CHST6: variants seen among roughly 807,000 people sequenced by gnomAD.
The protein encoded by CHST6 is N-acetylglucosamine 6-O-sulfotransferase 5.
For missense variants in CHST6, 698 were observed against 586.2 expected, an observed-to-expected ratio of 1.19 and a Z score of -1.97; for synonymous variants, 309 against 276.4, an observed-to-expected ratio of 1.12 and a Z score of -1.17.
chr16:75,488,116 T>A (rs1486226194), intron 1 of CHST6, among the ~76,000 whole-genome samples: 1 of 152,138 alleles, frequency 6.6e-6, no homozygotes, highest in African/African-American at 2.4e-5. Flanking sequence ...TAGGTATAGA[T>A]CCCAGGTTTA....
intron 1 of CHST6, among the ~76,000 whole-genome samples, chr16:75,492,984 G>T (rs1236268976): frequency 6.6e-6 from 1 of 152,018 alleles, no homozygotes; most frequent in Non-Finnish European, 1.5e-5. Flanking sequence ...TTTCAATATT[G>T]ACTAATAGGT....
In CHST6 at chr16:75,479,584, T is replaced by G. The variant is rs1208968084; in HGVS notation, c.245A>C (p.Gln82Pro). ...CATGTGCAGCGTTGCGGCGCTGCCC[T>G]GCGACAGGGTGGTCCACACGTGCCA... ...PAWHVWTTLS[Q>P]GSAATLHMAV... is the part of the protein sequence containing the mutation. The change falls in exon 3 of 3, where the codon CAG becomes CCG. Residue 82 changes from glutamine to proline, a missense_variant. Gln to Pro is a moderately conservative substitution (Grantham distance 76). Transcript: ENST00000332272. 5 of 1,612,970 alleles carry G rather than the reference T, an allele frequency of 3.1e-6. No individual in the cohort carries two copies. In the Admixed American group the frequency reaches 8.3e-5, roughly 27 times the overall value.
chr16:75,481,352 G>A (rs1232559521), intron 2 of CHST6, among the ~76,000 whole-genome samples: 1 of 152,030 alleles, frequency 6.6e-6, no homozygotes, highest in Non-Finnish European at 1.5e-5. Context: ...TAGCAATTTG[G>A]GAGGTTGAGG....
Position 75,479,236 on chromosome 16 carries a change from A to C in CHST6, c.593T>G (p.Val198Gly). ...GGCCCGCGGGTCGCGCACCAGGTGC[A>C]CGATGCGTAGGTTGAGCGCGGGGTC... ...LSDPALNLRI[V>G]HLVRDPRAVL... The change falls in exon 3 of 3, where the codon GTG becomes GGG. Residue 198 changes from valine (V) to glycine (G), a missense_variant. By Grantham distance (109) the Val-to-Gly change is moderately radical. Transcript: ENST00000332272. 6.2e-7 allele frequency: 1 copy of C among 1,611,656 alleles called. No homozygotes were observed. Among genetic ancestry groups the C allele is most frequent in the Non-Finnish European group, 8.5e-7 (1 of 1,179,684 alleles).
Position 75,473,763 on chromosome 16 carries a change from AT to A in CHST6, c.*4877del, listed in dbSNP as rs1455979779. ...TAAAACTGTTGTCCTTGGTCATCCTATCTCTACAAATTTATTGTATTTTTTA... is the reference window on the plus strand; with the variant it reads ...TAAAACTGTTGTCCTTGGTCATCCTACTCTACAAATTTATTGTATTTTTTA... On this transcript the variant is annotated 3_prime_UTR_variant, in exon 3 of 3. Coordinates refer to ENST00000332272, the MANE Select transcript of CHST6 (RefSeq NM_021615.5). The A allele has an allele frequency of 6.6e-6, 1 of 152,116 alleles. No homozygotes were observed. Among genetic ancestry groups the A allele is most frequent in the African/African-American group, 2.4e-5 (1 of 41,412 alleles). The allele number at this position is 152,116 out of a possible 1,614,324, so 9.4% of individuals were successfully genotyped here.
At chr16:75,494,459 T>C (rs1330980110) in intron 1 of CHST6, among the ~76,000 whole-genome samples, 1 of 151,844 alleles carries the variant, frequency 6.6e-6, no homozygotes, top group Admixed American at 6.6e-5. Flanking sequence ...CTTGCCTCTG[T>C]GAAAAAGGGA....
intron 1 of CHST6, among the ~76,000 whole-genome samples, chr16:75,492,551 T>C (rs1025720382): frequency 1.3e-5 from 2 of 152,172 alleles, no homozygotes; most frequent in Admixed American, 6.5e-5. Context: ...GACTATTTTA[T>C]AGGAAAATAA....
At chr16:75,490,854 T>C (rs2080245321) in intron 1 of CHST6, 1 of 152,148 alleles carries the variant, frequency 6.6e-6, no homozygotes, top group Non-Finnish European at 1.5e-5. Flanking sequence ...GAGACATCCC[T>C]AATGTCTATC....
At chr16:75,487,386 C>T (rs930076795) in intron 1 of CHST6, among the ~76,000 whole-genome samples, 33 of 152,112 alleles carry the variant, frequency 2.2e-4, no homozygotes, top group African/African-American at 7.5e-4. Context: ...AGCTCCAGGC[C>T]GGGAGTGGTG....
In CHST6 at chr16:75,482,566, C is replaced by T. The variant is rs552469502; in HGVS notation, c.-91-675G>A. Among the ~76,000 whole-genome samples the T allele has an allele frequency of 3.5e-4, 54 of 152,240 alleles. No homozygotes were observed. In the South Asian group the frequency reaches 0.011, roughly 31 times the overall value. On this transcript the variant is annotated intron_variant, in intron 1 of 2. Coordinates refer to ENST00000332272, the MANE Select transcript of CHST6 (RefSeq NM_021615.5). ...AACAGCAACAACAACAAAAATGTCA[C>T]ACATGTCTCACAGGGTGGAAGGAAC...
intron 1 of CHST6, among the ~76,000 whole-genome samples, chr16:75,487,174 A>G (rs925869765): frequency 1.3e-5 from 2 of 152,336 alleles, no homozygotes; most frequent in Middle Eastern, 3.4e-3. Flanking sequence ...AAGTCACAGG[A>G]TCTTCTAAAC....
At chr16:75,484,366 A>C (rs1353631973) in intron 1 of CHST6, among the ~76,000 whole-genome samples, 2 of 152,016 alleles carry the variant, frequency 1.3e-5, no homozygotes, top group African/African-American at 4.8e-5. Flanking sequence ...AAACAAACAA[A>C]CATACATAAA....
rs959212003 is a variant in CHST6, at chr16:75,478,242, G to C, written c.*399C>G. 2.9e-6 allele frequency: 1 copy of C among 339,798 alleles called. No individual in the cohort carries two copies. Among genetic ancestry groups the C allele is most frequent in the African/African-American group, 2.1e-5 (1 of 46,974 alleles). The allele number at this position is 339,798 out of a possible 1,614,324, so 21.0% of individuals were successfully genotyped here. A position where few individuals can be genotyped will look rare whatever the true frequency, so the allele number is the denominator to read the frequency against. ...TATGTATGTGATGTACAGACCTCTG[G>C]AGCCATTTCACCACAGTGCCTCTCC... On this transcript the variant is annotated 3_prime_UTR_variant, in exon 3 of 3. Coordinates refer to ENST00000332272, the MANE Select transcript of CHST6 (RefSeq NM_021615.5).
intron 1 of CHST6, among the ~76,000 whole-genome samples, chr16:75,493,886 CCA>C (rs1422596785): frequency 6.6e-6 from 1 of 152,118 alleles, no homozygotes; most frequent in Non-Finnish European, 1.5e-5. Context: ...TCGCTGTTGT[CCA>C]GACTGGAGTG....
intron 1 of CHST6, among the ~76,000 whole-genome samples, chr16:75,486,538 ACTATTGGC>A (rs1335811678): frequency 1.3e-5 from 2 of 152,184 alleles, no homozygotes; most frequent in African/African-American, 4.8e-5. Flanking sequence ...CCCACACAGA[ACTATTGGC>A]CTAGGAATGG....
chr16:75,495,403 A>G lies in CHST6; in HGVS notation c.-555T>C, dbSNP rs946016142. 1 of 152,248 alleles carries G rather than the reference A, an allele frequency of 6.6e-6. No individual in the cohort carries two copies. Among genetic ancestry groups the G allele is most frequent in the African/African-American group, 2.4e-5 (1 of 41,472 alleles). The allele number at this position is 152,248 out of a possible 1,614,324, so 9.4% of individuals were successfully genotyped here. A position where few individuals can be genotyped will look rare whatever the true frequency, so the allele number is the denominator to read the frequency against. ...CCCGGTGCAGCCCGCCCGAGCGCAC[A>G]CAATGAGGCGCTTTCAGACGTGGCT... On this transcript the variant is annotated 5_prime_UTR_variant, in exon 1 of 3. Transcript: ENST00000332272.
Position 75,479,704 on chromosome 16 carries a change from T to G in CHST6, c.125A>C (p.His42Pro). The change falls in exon 3 of 3, where the codon CAT (histidine) becomes CCT (proline). Residue 42 changes from histidine (H) to proline (P), a missense_variant. By Grantham distance (77) the His-to-Pro change is moderately conservative (BLOSUM62 -2). Transcript: ENST00000332272. ...SSPAGGEARV[H>P]VLVLSSWRSG... ...GCGCCACGAGGACAGCACCAGCACA[T>G]GCACGCGCGCCTCGCCGCCTGCTGG... 1 of 1,611,036 alleles carries G rather than the reference T, an allele frequency of 6.2e-7. No homozygotes were observed. Among genetic ancestry groups the G allele is most frequent in the Non-Finnish European group, 8.5e-7 (1 of 1,178,854 alleles).
intron 1 of CHST6, among the ~76,000 whole-genome samples, chr16:75,490,432 C>G (rs896125632): frequency 2.6e-5 from 4 of 151,864 alleles, no homozygotes; most frequent in Non-Finnish European, 5.9e-5. Flanking sequence ...GAGCCGAGAT[C>G]GCACCATTGC....
At chr16:75,481,043 G>C (rs1274398208) in intron 2 of CHST6, among the ~76,000 whole-genome samples, 2 of 151,912 alleles carry the variant, frequency 1.3e-5, no homozygotes, top group African/African-American at 4.8e-5. Flanking sequence ...AGGATACCTT[G>C]AGGCGAAAAG....
Sources: gnomAD v4.1 joint callset for allele counts (sites outside exome capture counted in the v4.1 genomes callset) on GRCh38, gnomAD v4.1.1 for gene constraint, MANE v1.5 for transcripts, NCBI Gene and HGNC (gene_info 2026-07-23, HGNC 2026-07-21) for gene names.